COBL: variants seen among roughly 807,000 people sequenced by gnomAD.
COBL encodes the protein protein cordon-bleu.
A neutral mutation model predicts 98.8 loss-of-function variants in COBL; 51 were observed. The ratio of observed to expected loss-of-function variants is 0.52; its 90% CI spans 0.41 to 0.65. The LOEUF (loss-of-function observed/expected upper bound fraction) is 0.65. Ranked by LOEUF, COBL falls within the 30% of genes least tolerant of loss-of-function variation. COBL has a pLI of 0.00. For synonymous variants in COBL, 634 were observed against 651.7 expected (o/e 0.97, Z 0.41); for missense variants, 1,617 against 1,617.5 (o/e 1.00, Z 0.01).
chr7:51,116,392 T>C (rs1166324884), intron 6 of COBL, among the ~76,000 whole-genome samples: 1 of 152,176 alleles, frequency 6.6e-6, no homozygotes, highest in Non-Finnish European at 1.5e-5. Context: ...TTAGATTAAG[T>C]ATTATAACCC....
At chr7:51,259,420 C>T (rs1316786468) in intron 1 of COBL, 3 of 463,904 alleles carry the variant, frequency 6.5e-6, no homozygotes, top group African/African-American at 3.9e-5. Context: ...AGCCCTGCCT[C>T]ACCTGGGTCT....
At chr7:51,174,898 G>C (rs138537967) in intron 5 of COBL, among the ~76,000 whole-genome samples, 27 of 152,182 alleles carry the variant, frequency 1.8e-4, no homozygotes, top group African/African-American at 6.0e-4. Context: ...TTTTTAGGCC[G>C]ACATATCTGG....
chr7:51,133,646 A>G (rs994406831), intron 6 of COBL, among the ~76,000 whole-genome samples: 14 of 152,178 alleles, frequency 9.2e-5, no homozygotes, highest in African/African-American at 3.1e-4. Context: ...GTGTACAATC[A>G]ATCATTCTGG....
At chr7:51,142,316 G>T (rs1252726179) in intron 5 of COBL, among the ~76,000 whole-genome samples, 8 of 151,490 alleles carry the variant, frequency 5.3e-5, no homozygotes, top group Non-Finnish European at 1.0e-4. Flanking sequence ...CAAGCTCTCT[G>T]ATGGTTTCTC....
intron 5 of COBL, 108 bp from the exon 6 acceptor site, chr7:51,136,439 G>A (rs1311474678): frequency 1.7e-5 from 20 of 1,186,590 alleles, no homozygotes; most frequent in Non-Finnish European, 2.1e-5. Context: ...GAGCTTGAAC[G>A]GCAGCTGTTT....
chr7:51,080,134 G>C (rs772640806), intron 7 of COBL, among the ~76,000 whole-genome samples: 2 of 152,212 alleles, frequency 1.3e-5, no homozygotes, highest in Non-Finnish European at 2.9e-5. Flanking sequence ...AGACCTTACA[G>C]AGGTCAGGGA....
chr7:51,313,932 A>T (rs1410643516), intron 1 of COBL, among the ~76,000 whole-genome samples: 1 of 152,228 alleles, frequency 6.6e-6, no homozygotes, highest in Non-Finnish European at 1.5e-5. Context: ...CTGACTTGTT[A>T]GTTTTTGCAC....
At chr7:51,260,153 C>G in intron 1 of COBL, 1 of 1,220,544 alleles carries the variant, frequency 8.2e-7, no homozygotes, top group East Asian at 2.3e-5. Flanking sequence ...TTTTTCTTTG[C>G]TCTTGCTCCA....
chr7:51,272,159 A>G (rs1441614054), intron 1 of COBL, among the ~76,000 whole-genome samples: 2 of 152,218 alleles, frequency 1.3e-5, no homozygotes, highest in Admixed American at 1.3e-4. Flanking sequence ...TCATTTAACT[A>G]AGTGAGCAAT....
At chr7:51,238,939 A>G (rs189398244) in intron 1 of COBL, among the ~76,000 whole-genome samples, 1 of 152,338 alleles carries the variant, frequency 6.6e-6, no homozygotes, top group African/African-American at 2.4e-5. Flanking sequence ...GGCTCTCAAG[A>G]GCCAACTGTT....
intron 1 of COBL, among the ~76,000 whole-genome samples, chr7:51,269,222 C>A (rs1481749519): frequency 6.6e-6 from 1 of 152,172 alleles, no homozygotes; most frequent in Non-Finnish European, 1.5e-5. Flanking sequence ...GGTACAAAAG[C>A]CCATGTGTTG....
At chr7:51,230,451 C>T (rs941231719) in intron 1 of COBL, among the ~76,000 whole-genome samples, 4 of 152,168 alleles carry the variant, frequency 2.6e-5, no homozygotes, top group South Asian at 2.1e-4. Context: ...TCCTTTACCC[C>T]GTTCCTGCTC....
At chr7:51,132,284 C>G (rs1798816783) in intron 6 of COBL, among the ~76,000 whole-genome samples, 1 of 152,248 alleles carries the variant, frequency 6.6e-6, no homozygotes, top group South Asian at 2.1e-4. Flanking sequence ...ATGCAGAGCA[C>G]ACACCTAAGG....
At chr7:51,198,814 A>G (rs2129062856) in intron 2 of COBL, among the ~76,000 whole-genome samples, 1 of 152,332 alleles carries the variant, frequency 6.6e-6, no homozygotes, top group East Asian at 1.9e-4. Flanking sequence ...ACAGAAAAAA[A>G]TGATTTGGCA....
chr7:51,096,086 C>G (rs1795248443), intron 6 of COBL, among the ~76,000 whole-genome samples: 1 of 152,060 alleles, frequency 6.6e-6, no homozygotes, highest in African/African-American at 2.4e-5. Flanking sequence ...TTATATAGAA[C>G]ATTCTCTATG....
At chr7:51,288,508 T>G (rs183505805) in intron 1 of COBL, among the ~76,000 whole-genome samples, 281 of 151,664 alleles carry the variant, frequency 1.9e-3, no homozygotes, top group African/African-American at 6.4e-3. Context: ...ATCCCAGCAC[T>G]TTGTGAGGCC....
chr7:51,186,811 A>G (rs1789567287), intron 4 of COBL, among the ~76,000 whole-genome samples: 2 of 152,318 alleles, frequency 1.3e-5, no homozygotes, highest in African/African-American at 4.8e-5. Flanking sequence ...ACACTGAAGA[A>G]GAACTGGTTT....
At chr7:51,048,006 A>C (rs1789882377) in intron 7 of COBL, among the ~76,000 whole-genome samples, 1 of 152,106 alleles carries the variant, frequency 6.6e-6, no homozygotes, top group South Asian at 2.1e-4. Flanking sequence ...GTCTCTACTA[A>C]AAATACAAAA....
Position 51,016,746 on chromosome 7 carries a change from C to T in COBL, c.*805G>A, listed in dbSNP as rs947344323. 2.3e-5 allele frequency: 9 copies of T among 391,730 alleles called. No individual in the cohort carries two copies. Among genetic ancestry groups the T allele is most frequent in the South Asian group, 1.4e-4 (1 of 6,950 alleles). The allele number at this position is 391,730 out of a possible 1,614,324, so 24.3% of individuals were successfully genotyped here. A position where few individuals can be genotyped will look rare whatever the true frequency, so the allele number is the denominator to read the frequency against. Reference sequence around the variant, plus strand: ...GTCATCAGGCTCCGTACACAGGCACCGTGGGGGAGGCCTATGTCACTTCAT... The same window carrying T: ...GTCATCAGGCTCCGTACACAGGCACTGTGGGGGAGGCCTATGTCACTTCAT... On this transcript the variant is annotated 3_prime_UTR_variant, in exon 13 of 13. Coordinates refer to ENST00000265136, the MANE Select transcript of COBL (RefSeq NM_015198.5).
Sources: gnomAD v4.1 joint callset for allele counts (sites outside exome capture counted in the v4.1 genomes callset) on GRCh38, gnomAD v4.1.1 for gene constraint, MANE v1.5 for transcripts, NCBI Gene and HGNC (gene_info 2026-07-23, HGNC 2026-07-21) for gene names.